SYNE2: variants seen among roughly 807,000 people sequenced by gnomAD.
SYNE2 encodes the protein nesprin-2.
Under a neutral mutation model 856.3 loss-of-function variants are expected in SYNE2, and 431 were observed. That is an observed-to-expected ratio of 0.50 (90% CI 0.47 to 0.55). The LOEUF (loss-of-function observed/expected upper bound fraction) is 0.55, where lower values mean the gene tolerates loss of function less well. SYNE2 is among the 20% of genes least tolerant of loss of function. The probability of loss-of-function intolerance (pLI) is 0.00; values close to 1 mark genes in which losing one functional copy is unlikely to be tolerated. For missense variants in SYNE2, 8,129 were observed against 8,023.2 expected (o/e 1.01, Z -0.50); for synonymous variants, 2,923 against 2,872.3 (o/e 1.02, Z -0.56).
In SYNE2 at chr14:64,210,141, C is replaced by G. The variant is rs2275013; in HGVS notation, c.18723+17C>G. ...AGACTCAGGGTGAGCTCCTCTGCAC[C>G]TGGCTCGGGTGTAGATTTTCCAGGA... is the stretch of plus-strand genomic sequence containing the variant. On this transcript the variant is annotated intron_variant, in intron 103 of 115. Coordinates refer to ENST00000555002, the MANE Select transcript of SYNE2 (RefSeq NM_182914.3). 1,254 of 1,611,998 alleles carry G rather than the reference C, an allele frequency of 7.8e-4. 19 individuals are homozygous for G. In the East Asian group the frequency reaches 0.024, roughly 31 times the overall value.
chr14:63,803,328 G>A (rs572556002), intron 1 of SYNE2, among the ~76,000 whole-genome samples: 4 of 152,310 alleles, frequency 2.6e-5, no homozygotes, highest in South Asian at 2.1e-4. Flanking sequence ...GGTGCTAGTC[G>A]GGGAGGCTCG....
chr14:64,193,590 G>A (rs954677370), intron 99 of SYNE2, among the ~76,000 whole-genome samples: 2 of 151,804 alleles, frequency 1.3e-5, no homozygotes, highest in African/African-American at 2.4e-5. Flanking sequence ...ATAGGTACCC[G>A]GCCTTGTTAC....
At chr14:64,098,936 T>G (rs779642295) in intron 63 of SYNE2, 115 bp downstream of exon 63, 8 of 1,041,478 alleles carry the variant, frequency 7.7e-6, no homozygotes, top group Non-Finnish European at 1.2e-5. Flanking sequence ...AATGTTGATA[T>G]TTTAAAAGTA....
rs1205216784 is a variant in SYNE2, at chr14:64,113,481, G to C, written c.12750G>C (p.Leu4250=). ...ACKTQVAELE[L]WLQQANVAVE... Reference sequence around the variant, plus strand: ...AGACCCAGGTGGCCGAGCTGGAGCTGTGGCTGCAACAAGCCAACGTGGCAG... The same window carrying C: ...AGACCCAGGTGGCCGAGCTGGAGCTCTGGCTGCAACAAGCCAACGTGGCAG... The change falls in exon 66 of 116, where the codon CTG becomes CTC. Residue 4250 remains leucine, a synonymous_variant. Coordinates refer to ENST00000555002, the MANE Select transcript of SYNE2 (RefSeq NM_182914.3). The C allele has an allele frequency of 2.5e-6, 4 of 1,614,178 alleles. No homozygotes were observed. Among genetic ancestry groups the C allele is most frequent in the Non-Finnish European group, 3.4e-6 (4 of 1,180,018 alleles).
intron 63 of SYNE2, among the ~76,000 whole-genome samples, chr14:64,101,215 A>G (rs1008072691): frequency 4.7e-4 from 71 of 152,052 alleles, no homozygotes; most frequent in African/African-American, 2.9e-4. Context: ...AGGAACTTTG[A>G]TACTGTACCA....
At chr14:64,045,247 C>T (rs1027638464) in intron 45 of SYNE2, among the ~76,000 whole-genome samples, 4 of 152,104 alleles carry the variant, frequency 2.6e-5, no homozygotes, top group Non-Finnish European at 4.4e-5. Flanking sequence ...TTCAAGAATC[C>T]TTTTTCTGAC....
chr14:64,160,242 G>A (rs1287742034), intron 87 of SYNE2, among the ~76,000 whole-genome samples: 7 of 152,198 alleles, frequency 4.6e-5, no homozygotes, highest in East Asian at 1.9e-4. Context: ...CAGGGCTACC[G>A]TCAAAACGTA....
chr14:63,930,923 C>T (rs2095745761), intron 2 of SYNE2, among the ~76,000 whole-genome samples: 1 of 152,076 alleles, frequency 6.6e-6, no homozygotes, highest in African/African-American at 2.4e-5. Flanking sequence ...CCGGGGAACC[C>T]CTGATTTATA....
intron 1 of SYNE2, among the ~76,000 whole-genome samples, chr14:63,767,744 T>A (rs1179554702): frequency 1.3e-5 from 2 of 152,186 alleles, no homozygotes; most frequent in Non-Finnish European, 1.5e-5. Context: ...ATCACCCTCA[T>A]ATTCTATCTT....
At chr14:63,838,301 C>T (rs1750642383) in intron 1 of SYNE2, among the ~76,000 whole-genome samples, 1 of 152,118 alleles carries the variant, frequency 6.6e-6, no homozygotes, top group Non-Finnish European at 1.5e-5. Context: ...TATGCCATTG[C>T]ACTCTGGCCT....
intron 100 of SYNE2, among the ~76,000 whole-genome samples, chr14:64,203,874 T>C (rs1176786463): frequency 6.6e-6 from 1 of 152,168 alleles, no homozygotes; most frequent in Admixed American, 6.5e-5. Context: ...GATTTAATAT[T>C]TGATACTACT....
At chr14:64,032,133 A>C (rs1339107039) in intron 45 of SYNE2, among the ~76,000 whole-genome samples, 1 of 152,184 alleles carries the variant, frequency 6.6e-6, no homozygotes. Flanking sequence ...ATGCACTTTT[A>C]TTGTCTCCGT....
chr14:63,903,279 A>G (rs1595540269), intron 1 of SYNE2, among the ~76,000 whole-genome samples: 3 of 152,300 alleles, frequency 2.0e-5, no homozygotes, highest in South Asian at 4.1e-4. Context: ...TCAGTCTTCA[A>G]AGTTTGGTTT....
intron 1 of SYNE2, among the ~76,000 whole-genome samples, chr14:63,805,886 G>A (rs1264947241): frequency 2.6e-5 from 4 of 152,180 alleles, no homozygotes; most frequent in Non-Finnish European, 5.9e-5. Flanking sequence ...TTGGGCAGAG[G>A]CCATGGGGTT....
chr14:64,111,391 A>G (rs2097805343), intron 65 of SYNE2, among the ~76,000 whole-genome samples: 1 of 152,184 alleles, frequency 6.6e-6, no homozygotes, highest in Non-Finnish European at 1.5e-5. Flanking sequence ...GTCTGTAGCA[A>G]TATCTGAAAA....
At chr14:64,142,533 G>A (rs2098147071) in intron 82 of SYNE2, among the ~76,000 whole-genome samples, 1 of 152,074 alleles carries the variant, frequency 6.6e-6, no homozygotes, top group African/African-American at 2.4e-5. Context: ...GTCCTTGTTT[G>A]CAAATCCACC....
chr14:64,131,288 G>A (rs552140661), intron 76 of SYNE2, among the ~76,000 whole-genome samples: 2 of 152,278 alleles, frequency 1.3e-5, no homozygotes, highest in African/African-American at 2.4e-5. Flanking sequence ...CACATAATAT[G>A]GAGGGATCCC....
At chr14:63,978,741 T>A (rs866830822) in intron 13 of SYNE2, 111 bp from the exon 14 acceptor site, 2 of 860,844 alleles carry the variant, frequency 2.3e-6, no homozygotes, top group African/African-American at 3.4e-5. Context: ...CTGAGTTCCA[T>A]GTGCTTAAAA....
intron 1 of SYNE2, among the ~76,000 whole-genome samples, chr14:63,763,371 T>C (rs4902242): frequency 0.12 from 18,162 of 152,102 alleles, 1,100 homozygotes; most frequent in Admixed American, 0.16. Context: ...ACATTTTAAC[T>C]CCTGAATCAT....
Sources: allele counts gnomAD v4.1 joint callset (sites outside exome capture counted in the v4.1 genomes callset), GRCh38; gene constraint gnomAD v4.1.1; transcripts MANE v1.5; gene names NCBI Gene and HGNC (gene_info 2026-07-23, HGNC 2026-07-21).